Variants in KCNK10 observed in about 807,000 individuals in gnomAD.
KCNK10 encodes the protein potassium two pore domain channel subfamily K member 10, also known as potassium channel subfamily K member 10.
A neutral mutation model predicts 47.7 loss-of-function variants in KCNK10; 25 were observed. The ratio of observed to expected loss-of-function variants is 0.52; its 90% CI spans 0.38 to 0.73. The LOEUF (loss-of-function observed/expected upper bound fraction) is 0.73. Ranked by LOEUF, KCNK10 falls within the 30% of genes least tolerant of loss-of-function variation. The probability of loss-of-function intolerance (pLI) is 0.00; values close to 1 mark genes in which losing one functional copy is unlikely to be tolerated. For missense variants in KCNK10, 563 were observed against 714.5 expected (o/e 0.79, Z 2.42); for synonymous variants, 303 against 285.6 (o/e 1.06, Z -0.61).
At chr14:88,256,046 A>G (rs1177771043) in intron 2 of KCNK10, among the ~76,000 whole-genome samples, 1 of 152,158 alleles carries the variant, frequency 6.6e-6, no homozygotes, top group Non-Finnish European at 1.5e-5. Context: ...ACACTCCCTC[A>G]CATCTCAGGG....
At position 88,188,059 on chromosome 14, in the gene KCNK10, A is replaced by T; in HGVS notation, c.919T>A (p.Phe307Ile). 1 of 1,614,096 alleles carries T rather than the reference A, an allele frequency of 6.2e-7. No individual in the cohort carries two copies. ...TAGGCAAGGCCAACAAGGATCCAAAACCACACTAGGGGCTTATACCACTCC... is the reference window on the plus strand; with the variant it reads ...TAGGCAAGGCCAACAAGGATCCAAATCCACACTAGGGGCTTATACCACTCC... ...YREWYKPLVWFWILVGLAYFA... is the reference protein window; with the variant it reads ...YREWYKPLVWIWILVGLAYFA... The change falls in exon 6 of 7, where the codon TTT becomes ATT. Residue 307 changes from phenylalanine to isoleucine, a missense_variant. By Grantham distance (21) the Phe-to-Ile change is conservative. Transcript: ENST00000319231.
In KCNK10 at chr14:88,180,220, T is replaced by TG. The variant is rs1362964124; in HGVS notation, c.*5314dup. 6.6e-6 allele frequency: 1 copy of TG among 152,380 alleles called. No individual in the cohort carries two copies. Among genetic ancestry groups the TG allele is most frequent in the Non-Finnish European group, 1.5e-5 (1 of 68,062 alleles). 9.4% of individuals were successfully genotyped at this position (152,380 alleles called of 1,614,324 possible). ...CTTATTGAAATGTCACAAGCAAATT[T>TG]GTTTTGTACTTTCCCTAAGAACATT... is the stretch of plus-strand genomic sequence containing the variant. On this transcript the variant is annotated 3_prime_UTR_variant, in exon 7 of 7. Coordinates refer to ENST00000319231, the MANE Select transcript of KCNK10 (RefSeq NM_138317.3).
At chr14:88,220,422 A>C (rs1426268793) in intron 4 of KCNK10, among the ~76,000 whole-genome samples, 2 of 56,768 alleles carry the variant, frequency 3.5e-5, no homozygotes, top group African/African-American at 1.5e-4. Flanking sequence ...GTCTCAAAAA[A>C]AAAAAAAAAA....
At chr14:88,275,639 G>T (rs1445695380) in intron 1 of KCNK10, among the ~76,000 whole-genome samples, 1 of 147,480 alleles carries the variant, frequency 6.8e-6, no homozygotes, top group Admixed American at 6.9e-5. Flanking sequence ...CCTGAGGTCA[G>T]GAGTTTGAGA....
At chr14:88,313,223 T>C (rs1888361828) in intron 1 of KCNK10, among the ~76,000 whole-genome samples, 2 of 152,234 alleles carry the variant, frequency 1.3e-5, no homozygotes, top group Non-Finnish European at 2.9e-5. Context: ...AGATAATAAC[T>C]ACAAAGCATT....
At chr14:88,197,657 G>A (rs1399112939) in intron 4 of KCNK10, among the ~76,000 whole-genome samples, 1 of 119,568 alleles carries the variant, frequency 8.4e-6, no homozygotes, top group East Asian at 2.9e-4. Context: ...ATTTTCAAAA[G>A]TTTTCTATTC....
chr14:88,259,002 T>C (rs1383737165), intron 2 of KCNK10, among the ~76,000 whole-genome samples: 1 of 152,214 alleles, frequency 6.6e-6, no homozygotes, highest in African/African-American at 2.4e-5. Context: ...ATAAATACTT[T>C]CCATCTACTT....
At chr14:88,210,849 A>C (rs1885434830) in intron 4 of KCNK10, among the ~76,000 whole-genome samples, 2 of 151,032 alleles carry the variant, frequency 1.3e-5, no homozygotes, top group Admixed American at 1.3e-4. Flanking sequence ...AAAAAACAGA[A>C]AAAAGCAAGT....
At chr14:88,324,823 A>G (rs1033538596), upstream of KCNK10, among the ~76,000 whole-genome samples, 2 of 152,044 alleles carry the variant, frequency 1.3e-5, no homozygotes, top group Non-Finnish European at 1.5e-5. Flanking sequence ...ATCCGTCACT[A>G]TCACATCAAG....
upstream of KCNK10, chr14:88,326,601 C>G (rs1462916231): frequency 1.6e-6 from 1 of 640,228 alleles, no homozygotes; most frequent in Non-Finnish European, 2.7e-6. Flanking sequence ...GGCGCAAAGT[C>G]TCCCTGCACT....
intron 4 of KCNK10, 75 bp downstream of exon 4, chr14:88,227,300 C>G (rs1316607012): frequency 2.5e-6 from 3 of 1,190,212 alleles, no homozygotes; most frequent in Non-Finnish European, 3.5e-6. Flanking sequence ...GCCCCTGATA[C>G]TGCCTCCTGG....
intron 3 of KCNK10, among the ~76,000 whole-genome samples, chr14:88,230,233 T>C (rs1467255634): frequency 6.6e-6 from 1 of 152,152 alleles, no homozygotes; most frequent in Non-Finnish European, 1.5e-5. Flanking sequence ...GAAAACTCAG[T>C]CCCAGGAGAA....
At chr14:88,304,147 C>A (rs1358946968) in intron 1 of KCNK10, among the ~76,000 whole-genome samples, 1 of 151,642 alleles carries the variant, frequency 6.6e-6, no homozygotes, top group Non-Finnish European at 1.5e-5. Flanking sequence ...GAGGCCGTCT[C>A]CACAAAAAAA....
chr14:88,216,985 T>A (rs930451318), intron 4 of KCNK10, among the ~76,000 whole-genome samples: 2 of 152,058 alleles, frequency 1.3e-5, no homozygotes, highest in African/African-American at 4.8e-5. Flanking sequence ...TGAAACCTCG[T>A]CTCTACTAAA....
intron 1 of KCNK10, among the ~76,000 whole-genome samples, chr14:88,320,585 A>C (rs980524828): frequency 6.6e-6 from 1 of 152,110 alleles, no homozygotes; most frequent in African/African-American, 2.4e-5. Context: ...GCTTTCCTTC[A>C]AGACTGGTCC....
chr14:88,195,880 T>C (rs1230170768), intron 4 of KCNK10, among the ~76,000 whole-genome samples: 1 of 152,206 alleles, frequency 6.6e-6, no homozygotes, highest in Non-Finnish European at 1.5e-5. Flanking sequence ...AGAATGGAGC[T>C]GTGTTTCCAC....
chr14:88,220,498 A>G (rs932550535), intron 4 of KCNK10, among the ~76,000 whole-genome samples: 9 of 150,826 alleles, frequency 6.0e-5, no homozygotes, highest in Admixed American at 2.0e-4. Flanking sequence ...GATATTGGAG[A>G]AAGAATAGAC....
chr14:88,245,160 G>A (rs921696631), intron 2 of KCNK10, among the ~76,000 whole-genome samples: 1 of 152,064 alleles, frequency 6.6e-6, no homozygotes, highest in Admixed American at 6.6e-5. Flanking sequence ...TCTTCCCAGA[G>A]GTGTGAGAGG....
intron 4 of KCNK10, among the ~76,000 whole-genome samples, chr14:88,224,151 A>T (rs1339426420): frequency 1.3e-5 from 2 of 152,188 alleles, no homozygotes; most frequent in Non-Finnish European, 2.9e-5. Flanking sequence ...CTGAGAGCAA[A>T]ATTAAACATT....
Sources: allele counts gnomAD v4.1 joint callset (sites outside exome capture counted in the v4.1 genomes callset), GRCh38; gene constraint gnomAD v4.1.1; transcripts MANE v1.5; gene names NCBI Gene and HGNC (gene_info 2026-07-23, HGNC 2026-07-21).